Variants in FARS2 observed in about 807,000 individuals in gnomAD.
FARS2 encodes the protein phenylalanyl-tRNA synthetase 2, mitochondrial.
Under a neutral mutation model 46.4 loss-of-function variants are expected in FARS2, and 40 were observed. That is an observed-to-expected ratio of 0.86 (90% CI 0.67 to 1.12). The LOEUF is 1.12. Among genes scored for constraint, FARS2 ranks in the 50% most tolerant of loss-of-function variants. The pLI, the probability that FARS2 is intolerant of heterozygous loss-of-function variation, is 0.00. For missense variants in FARS2, 513 were observed against 567.9 expected (o/e 0.90, Z 0.98); for synonymous variants, 234 against 214.9 (o/e 1.09, Z -0.78).
chr6:5,551,698 T>G (rs1422187678), intron 5 of FARS2, among the ~76,000 whole-genome samples: 1 of 152,204 alleles, frequency 6.6e-6, no homozygotes, highest in Non-Finnish European at 1.5e-5. Flanking sequence ...TGGCCTAAAG[T>G]AAAGGTGTCA....
intron 6 of FARS2, among the ~76,000 whole-genome samples, chr6:5,719,499 A>G (rs1451780379): frequency 6.6e-6 from 1 of 152,074 alleles, no homozygotes; most frequent in Non-Finnish European, 1.5e-5. Context: ...GCTGTAGCTG[A>G]AAGATAGCAC....
intron 6 of FARS2, among the ~76,000 whole-genome samples, chr6:5,633,182 T>C (rs556483703): frequency 6.6e-6 from 1 of 151,602 alleles, no homozygotes; most frequent in African/African-American, 2.4e-5. Context: ...CAGGCTGAAC[T>C]TGAACTCCTG....
chr6:5,287,037 C>G (rs1215207325), intron 1 of FARS2, among the ~76,000 whole-genome samples: 1 of 152,252 alleles, frequency 6.6e-6, no homozygotes, highest in Non-Finnish European at 1.5e-5. Flanking sequence ...TGCCCCGTGG[C>G]TTGGCTCTGT....
intron 2 of FARS2, among the ~76,000 whole-genome samples, chr6:5,393,087 A>G (rs529995458): frequency 2.5e-4 from 38 of 151,918 alleles, no homozygotes; most frequent in Non-Finnish European, 4.6e-4. Flanking sequence ...TATTGCTTCA[A>G]CCATTCCCTA....
At chr6:5,432,410 T>TATATAATATATAATATATTATAA (rs1240622342) in intron 4 of FARS2, among the ~76,000 whole-genome samples, 5 of 127,178 alleles carry the variant, frequency 3.9e-5, no homozygotes, top group African/African-American at 1.5e-4. Flanking sequence ...TTATGTATTA[T>TATATAATATATAATATATTATAA]ATATAATATA....
chr6:5,512,161 A>C (rs766746365), intron 4 of FARS2, among the ~76,000 whole-genome samples: 1 of 152,204 alleles, frequency 6.6e-6, no homozygotes, highest in Non-Finnish European at 1.5e-5. Flanking sequence ...ACCCAACTAA[A>C]GCAAAAAAAG....
chr6:5,716,675 A>G (rs1356584789), intron 6 of FARS2, among the ~76,000 whole-genome samples: 1 of 152,232 alleles, frequency 6.6e-6, no homozygotes, highest in Non-Finnish European at 1.5e-5. Context: ...TAATTCAGGG[A>G]ACCCACAACT....
chr6:5,431,190 A>G lies in FARS2; in HGVS notation c.904+18A>G. 1.2e-6 allele frequency: 2 copies of G among 1,612,916 alleles called. No homozygotes were observed. Among genetic ancestry groups the G allele is most frequent in the Non-Finnish European group, 1.7e-6 (2 of 1,179,230 alleles). The stretch of plus-strand genomic sequence containing the variant: ...CAATTCAGGTAAAAAAGAATCCCAC[A>G]TTTTATTTACACGTGCTCTAAAGGA... On this transcript the variant is annotated intron_variant, in intron 4 of 6. Transcript: ENST00000274680.
intron 6 of FARS2, among the ~76,000 whole-genome samples, chr6:5,692,838 A>G (rs1050531898): frequency 1.3e-5 from 2 of 152,218 alleles, no homozygotes; most frequent in African/African-American, 4.8e-5. Context: ...AAAAGGTGTC[A>G]GAAAGGCCAA....
chr6:5,448,566 G>A (rs1022663665), intron 4 of FARS2, among the ~76,000 whole-genome samples: 4 of 151,330 alleles, frequency 2.6e-5, no homozygotes, highest in African/African-American at 7.3e-5. Flanking sequence ...TGCATTGTGT[G>A]TATGAACCAT....
At chr6:5,390,413 C>T (rs1041558752) in intron 2 of FARS2, among the ~76,000 whole-genome samples, 1 of 152,186 alleles carries the variant, frequency 6.6e-6, no homozygotes, top group Admixed American at 6.5e-5. Context: ...TTGATGGATC[C>T]TGCCTTTTAT....
At position 5,343,651 on chromosome 6, in the gene FARS2, A is replaced by G. The variant is rs764144197; in HGVS notation, c.-21-24899A>G. 7.2e-5 allele frequency among the ~76,000 whole-genome samples: 11 copies of G among 152,240 alleles called. No homozygotes were observed. The highest frequency in any genetic ancestry group is 1.5e-4 in the Non-Finnish European group (10 of 68,042). On this transcript the variant is annotated intron_variant, in intron 1 of 6. Transcript: ENST00000274680. The surrounding 1 kb of genome is among the most constrained non-coding windows in gnomAD (Gnocchi z 4.5). The stretch of plus-strand genomic sequence containing the variant: ...TAAACCCAGTGTTGAACTTCTGTAC[A>G]TTAAGTTTTTATCACCTTTAACAGG...
At position 5,415,673 on chromosome 6, in the gene FARS2, C is replaced by A. The variant is rs913976550; in HGVS notation, c.772+10972C>A. Among the ~76,000 whole-genome samples, 12 of 152,206 alleles carry A rather than the reference C, an allele frequency of 7.9e-5. No individual in the cohort carries two copies. In the East Asian group the frequency reaches 2.3e-3, roughly 29 times the overall value. ...TGAATATTATGTACTTATTTGCATT[C>A]ATATAACTATTTGGCAAAGTATTCA... On this transcript the variant is annotated intron_variant, in intron 3 of 6. Coordinates refer to ENST00000274680, the MANE Select transcript of FARS2 (RefSeq NM_006567.5).
chr6:5,510,073 T>C (rs956135640), intron 4 of FARS2, among the ~76,000 whole-genome samples: 6 of 152,294 alleles, frequency 3.9e-5, no homozygotes, highest in Admixed American at 2.6e-4. Flanking sequence ...GCAGCACCGC[T>C]AGATTTTTAT....
chr6:5,579,724 G>A (rs112753104), intron 5 of FARS2, among the ~76,000 whole-genome samples: 1,656 of 152,168 alleles, frequency 0.011, 28 homozygotes, highest in African/African-American at 0.038. Context: ...CCAGCACTTC[G>A]TATCTTGTTG....
Position 5,417,915 on chromosome 6 carries a change from A to AT in FARS2, c.773-13117dup, listed in dbSNP as rs955321480. ...TGCTCTGTTCATTTTTCTTTCAGTG[A>AT]TTTTTTTTTCCTTCTATATTGCATT... On this transcript the variant is annotated intron_variant, in intron 3 of 6. Transcript: ENST00000274680. Among the ~76,000 whole-genome samples, 126 of 150,990 alleles carry AT rather than the reference A, an allele frequency of 8.3e-4. 2 individuals carry two copies. Among genetic ancestry groups the AT allele is most frequent in the Middle Eastern group, 6.8e-3 (2 of 294 alleles).
chr6:5,548,819 A>G (rs1771193436), intron 5 of FARS2, among the ~76,000 whole-genome samples: 1 of 152,202 alleles, frequency 6.6e-6, no homozygotes, highest in Non-Finnish European at 1.5e-5. Context: ...GCATACCTGC[A>G]CTAATATATA....
chr6:5,665,626 A>T (rs908193683), intron 6 of FARS2, among the ~76,000 whole-genome samples: 1 of 152,208 alleles, frequency 6.6e-6, no homozygotes, highest in African/African-American at 2.4e-5. Context: ...ATCCCAGAGC[A>T]GGCATGTTAG....
At chr6:5,405,994 AT>A (rs1167711120) in intron 3 of FARS2, among the ~76,000 whole-genome samples, 4 of 152,286 alleles carry the variant, frequency 2.6e-5, no homozygotes, top group Admixed American at 6.5e-5. Flanking sequence ...TTCAAAAAAT[AT>A]TTGTTTTCAG....
Sources: gnomAD v4.1 joint callset for allele counts (sites outside exome capture counted in the v4.1 genomes callset) on GRCh38, gnomAD v4.1.1 for gene constraint, Gnocchi (gnomAD v3.1) non-coding constraint, MANE v1.5 for transcripts, NCBI Gene and HGNC (gene_info 2026-07-23, HGNC 2026-07-21) for gene names.